The following AMY2B variants were observed in gnomAD, a reference collection of about 807,000 sequenced individuals.
AMY2B encodes the protein alpha-amylase 2B.
AMY2B carries 63 observed loss-of-function variants against 59.3 expected under a neutral mutation model. The ratio of observed to expected loss-of-function variants is 1.06; its 90% CI spans 0.87 to 1.31. The LOEUF (loss-of-function observed/expected upper bound fraction) is 1.31. AMY2B is among the 50% of genes most tolerant of loss of function. The probability of loss-of-function intolerance (pLI) is 0.00; values close to 1 mark genes in which losing one functional copy is unlikely to be tolerated. For synonymous variants in AMY2B, 180 were observed against 198.1 expected (o/e 0.91, Z 0.77); for missense variants, 635 against 626.7 (o/e 1.01, Z -0.14).
In AMY2B at chr1:103,564,486, G is replaced by C. The variant is rs1279441898; in HGVS notation, c.-206-949G>C. On this transcript the variant is annotated intron_variant, in intron 1 of 11. Transcript: ENST00000361355. Reference sequence around the variant, plus strand: ...TATTTGCTTTTAAAAATCATCTCGGGTAATAAAACTCCCTTTGCTACTTTG... The same window carrying C: ...TATTTGCTTTTAAAAATCATCTCGGCTAATAAAACTCCCTTTGCTACTTTG... 2.6e-5 allele frequency among the ~76,000 whole-genome samples: 4 copies of C among 152,012 alleles called. No individual in the cohort carries two copies. The East Asian group carries it at 7.7e-4, about 29-fold the overall frequency.
At chr1:103,574,595 C>A (rs188966434) in intron 5 of AMY2B, among the ~76,000 whole-genome samples, 2 of 152,002 alleles carry the variant, frequency 1.3e-5, no homozygotes, top group African/African-American at 4.8e-5. Context: ...TGCCTAGGAA[C>A]GCTAAACATA....
exon 1 of AMY2B, chr1:103,554,778 A>T (rs1217512211): frequency 6.6e-6 from 1 of 152,618 alleles, no homozygotes; most frequent in Admixed American, 6.5e-5. Flanking sequence ...AAACAATTGA[A>T]AATTCGGTTA....
At chr1:103,571,542 A>T, upstream of AMY2B, 1 of 1,585,712 alleles carries the variant, frequency 6.3e-7, no homozygotes, top group East Asian at 2.2e-5. Flanking sequence ...ACTTTGTAAA[A>T]TGTGCTTCTT....
chr1:103,574,451 C>T (rs1441894023), intron 5 of AMY2B, 58 bp downstream of exon 5: 10 of 1,605,926 alleles, frequency 6.2e-6, no homozygotes, highest in Non-Finnish European at 7.6e-6. Flanking sequence ...TCATAGTACC[C>T]CAGTGTGAGT....
chr1:103,555,538 C>T (rs954135401), intron 1 of AMY2B, among the ~76,000 whole-genome samples: 1 of 152,036 alleles, frequency 6.6e-6, no homozygotes, highest in Non-Finnish European at 1.5e-5. Context: ...TTTGTTCCCC[C>T]AAATCTTTCA....
upstream of AMY2B, chr1:103,569,888 A>C (rs1652052549): frequency 4.3e-6 from 2 of 462,330 alleles, no homozygotes; most frequent in East Asian, 5.4e-5. Flanking sequence ...CCTGAACCTC[A>C]AGGCCAACAG....
At chr1:103,578,557 G>A (rs943544831) in intron 9 of AMY2B, among the ~76,000 whole-genome samples, 1 of 152,002 alleles carries the variant, frequency 6.6e-6, no homozygotes, top group African/African-American at 2.4e-5. Flanking sequence ...GCTCATTCTA[G>A]TATAAATTAT....
chr1:103,557,549 G>T lies in AMY2B; in HGVS notation c.-207+2440G>T, dbSNP rs193124022. On this transcript the variant is annotated intron_variant, in intron 1 of 11. Transcript: ENST00000361355. Reference sequence around the variant, plus strand: ...CATGCCTGTGGTCCCAGCTACTCGGGAGGCTGAGGCAGGAGAATCATTTGA... The same window carrying T: ...CATGCCTGTGGTCCCAGCTACTCGGTAGGCTGAGGCAGGAGAATCATTTGA... Among the ~76,000 whole-genome samples the T allele has an allele frequency of 2.7e-3, 414 of 152,096 alleles. 1 individual carries two copies. Among genetic ancestry groups the T allele is most frequent in the Non-Finnish European group, 3.9e-3 (262 of 68,002 alleles).
At chr1:103,560,379 A>G (rs986515225) in intron 1 of AMY2B, among the ~76,000 whole-genome samples, 37 of 152,272 alleles carry the variant, frequency 2.4e-4, no homozygotes, top group African/African-American at 7.9e-4. Flanking sequence ...TCTTTGTCCA[A>G]TACTAATAAA....
upstream of AMY2B, chr1:103,570,038 T>C: frequency 6.9e-6 from 3 of 434,606 alleles, no homozygotes; most frequent in African/African-American, 2.0e-5. Flanking sequence ...ACCCACATGG[T>C]GCCCATCTAT....
At chr1:103,576,826 T>C (rs545940522) in intron 7 of AMY2B, among the ~76,000 whole-genome samples, 1 of 152,288 alleles carries the variant, frequency 6.6e-6, no homozygotes, top group African/African-American at 2.4e-5. Context: ...AGAAATTATG[T>C]ATGTTGATTA....
At chr1:103,570,183 C>A, upstream of AMY2B, 1 of 478,024 alleles carries the variant, frequency 2.1e-6, no homozygotes. Context: ...TCAGACACTA[C>A]GTCAAGGAGA....
upstream of AMY2B, chr1:103,569,406 G>GTGTA (rs1652028661): frequency 5.2e-6 from 1 of 192,720 alleles, no homozygotes; most frequent in Non-Finnish European, 1.1e-5. Context: ...TTGTGTGTGT[G>GTGTA]TGTGTGTGTG....
upstream of AMY2B, chr1:103,570,477 G>A (rs542746455): frequency 1.4e-4 from 93 of 684,054 alleles, no homozygotes; most frequent in East Asian, 2.2e-3. Context: ...AGGCATCACC[G>A]ACAGGATGCA....
At chr1:103,561,649 T>G (rs1322064299) in intron 1 of AMY2B, 3 of 151,864 alleles carry the variant, frequency 2.0e-5, no homozygotes, top group Non-Finnish European at 4.4e-5. Flanking sequence ...CCCTATATGT[T>G]TATTATCTAT....
At chr1:103,570,862 T>C (rs1652101133), upstream of AMY2B, 1 of 394,726 alleles carries the variant, frequency 2.5e-6, no homozygotes, top group Non-Finnish European at 5.0e-6. Context: ...GATTTTGACA[T>C]TGTATTCAAG....
chr1:103,571,182 C>A, upstream of AMY2B: 1 of 794,556 alleles, frequency 1.3e-6, no homozygotes, highest in Non-Finnish European at 1.6e-6. Flanking sequence ...ACACCATGGG[C>A]TGTTACTCGC....
chr1:103,569,166 A>C (rs1467995662), upstream of AMY2B: 1 of 152,096 alleles, frequency 6.6e-6, no homozygotes, highest in African/African-American at 2.4e-5. Flanking sequence ...GGTCCCTCTC[A>C]TAACACATGG....
At chr1:103,555,989 C>T (rs1021471803) in intron 1 of AMY2B, among the ~76,000 whole-genome samples, 2 of 151,930 alleles carry the variant, frequency 1.3e-5, no homozygotes, top group African/African-American at 4.8e-5. Context: ...TCATTAGTAA[C>T]GGTAGGATGA....
Sources: gnomAD v4.1 joint callset for allele counts (sites outside exome capture counted in the v4.1 genomes callset) on GRCh38, gnomAD v4.1.1 for gene constraint, MANE v1.5 for transcripts, NCBI Gene and HGNC (gene_info 2026-07-23, HGNC 2026-07-21) for gene names.